Variants in MAG observed in about 807,000 individuals in gnomAD.
MAG encodes the protein myelin-associated glycoprotein.
In MAG, 30 loss-of-function variants were observed where a neutral mutation model predicts 60.7. That is an observed-to-expected ratio of 0.49 (90% CI 0.37 to 0.67). The LOEUF (loss-of-function observed/expected upper bound fraction) is 0.67, where lower values mean the gene tolerates loss of function less well. MAG is among the 30% of genes least tolerant of loss of function. MAG has a pLI of 0.00. For missense variants in MAG, 795 were observed against 851.7 expected (o/e 0.93, Z 0.83); for synonymous variants, 384 against 376.8 (o/e 1.02, Z -0.22).
intron 4 of MAG, among the ~76,000 whole-genome samples, chr19:35,297,314 CCAAA>C (rs2066406565): frequency 1.4e-5 from 2 of 145,368 alleles, no homozygotes; most frequent in East Asian, 2.1e-4. Context: ...ACACACCACA[CCAAA>C]CACACACACC....
chr19:35,308,660 G>A (rs1290595859), intron 7 of MAG, among the ~76,000 whole-genome samples: 1 of 152,136 alleles, frequency 6.6e-6, no homozygotes, highest in Non-Finnish European at 1.5e-5. Flanking sequence ...AAATCAAAAG[G>A]CTTTTTGCAA....
intron 5 of MAG, 22 bp downstream of exon 5, chr19:35,299,872 G>C (rs1278895337): frequency 4.5e-6 from 4 of 880,160 alleles, no homozygotes; most frequent in Non-Finnish European, 6.3e-6. Flanking sequence ...TGCGGGCGGG[G>C]CGGGGTGGGG....
chr19:35,292,845 C>T (rs2066367300), intron 1 of MAG, among the ~76,000 whole-genome samples: 1 of 152,064 alleles, frequency 6.6e-6, no homozygotes, highest in African/African-American at 2.4e-5. Flanking sequence ...AGAGATTCTC[C>T]CAACTTGGCC....
rs777768719 is a variant in MAG at position 35,313,353 on chromosome 19, G to A, written c.1780G>A (p.Asp594Asn). The A allele has an allele frequency of 6.2e-7, 1 of 1,614,184 alleles. No homozygotes were observed. Among genetic ancestry groups the A allele is most frequent in the Non-Finnish European group, 8.5e-7 (1 of 1,180,016 alleles). The change falls in exon 11 of 11, where the codon GAC becomes AAC. Residue 594 changes from aspartate to asparagine, a missense_variant. Asp to Asn is a conservative substitution (Grantham distance 23). Transcript: ENST00000392213. Reference protein sequence around the residue: ...LGLRGEPPELDLSYSHSDLGK... With the variant: ...LGLRGEPPELNLSYSHSDLGK... ...CCTTCGGGGTGAGCCCCCAGAGCTG[G>A]ACCTGAGCTATTCTCACTCGGACCT... is the stretch of plus-strand genomic sequence containing the variant.
At chr19:35,296,029 C>T (rs750963664) in intron 4 of MAG, 48 bp downstream of exon 4, 23 of 1,521,190 alleles carry the variant, frequency 1.5e-5, no homozygotes, top group Non-Finnish European at 2.0e-5. Flanking sequence ...GGCAGCGGGG[C>T]GGGAAGGAGT....
In MAG at chr19:35,311,888, G is replaced by A. The variant is rs771866965; in HGVS notation, c.1617-30G>A. ...CGTGGGGGTGCAGAAAGGGAGGGCA[G>A]AGAGAGGTCTGACGAGTCCTGCCCT... On this transcript the variant is annotated intron_variant, in intron 9 of 10. Coordinates refer to ENST00000392213, the MANE Select transcript of MAG (RefSeq NM_002361.4). The A allele has an allele frequency of 9.2e-6, 14 of 1,526,932 alleles. No individual in the cohort carries two copies. The East Asian group carries it at 3.2e-4, about 35-fold the overall frequency. The allele number at this position is 1,526,932 out of a possible 1,614,324, so 94.6% of individuals were successfully genotyped here. A position where few individuals can be genotyped will look rare whatever the true frequency, so the allele number is the denominator to read the frequency against.
chr19:35,302,533 C>T lies in MAG; in HGVS notation c.1056C>T (p.Asn352=). Residue 352 remains asparagine, a synonymous_variant, in exon 7 of 11, where the codon AAC becomes AAT. Coordinates refer to ENST00000392213, the MANE Select transcript of MAG (RefSeq NM_002361.4). ...TVSILCSTQS[N]PDPILTIFKE... ...CTATCTTGTGCTCCACACAGAGCAA[C>T]CCGGACCCTATTCTCACCATCTTCA... is the stretch of plus-strand genomic sequence containing the variant. The T allele has an allele frequency of 6.2e-7, 1 of 1,614,188 alleles. No homozygotes were observed. Among genetic ancestry groups the T allele is most frequent in the Non-Finnish European group, 8.5e-7 (1 of 1,180,030 alleles).
Position 35,293,639 on chromosome 19 carries a change from C to A in MAG, c.-79-596C>A, listed in dbSNP as rs763940789. ...AGGCAACCCATGGAGCAGCAGGGTGCCAGGGGCTCGCTAGCCCCCACCCTG... is the reference window on the plus strand; with the variant it reads ...AGGCAACCCATGGAGCAGCAGGGTGACAGGGGCTCGCTAGCCCCCACCCTG... On this transcript the variant is annotated intron_variant, in intron 1 of 10. Transcript: ENST00000392213. The surrounding 1 kb of genome is among the most constrained non-coding windows in gnomAD (Gnocchi z 4.0). 2.3e-4 allele frequency among the ~76,000 whole-genome samples: 35 copies of A among 152,176 alleles called. No individual in the cohort carries two copies. Among genetic ancestry groups the A allele is most frequent in the Non-Finnish European group, 4.7e-4 (32 of 67,988 alleles).
At chr19:35,311,596 A>T (rs973386202) in intron 9 of MAG, among the ~76,000 whole-genome samples, 2 of 152,230 alleles carry the variant, frequency 1.3e-5, no homozygotes, top group Non-Finnish European at 2.9e-5. Flanking sequence ...TGAGAAATAA[A>T]TTAACCCCTC....
rs750954995 is a variant in MAG, at chr19:35,295,854, C to T, written c.288C>T (p.Gly96=). 2 of 1,613,948 alleles carry T rather than the reference C, an allele frequency of 1.2e-6. No homozygotes were observed. Among genetic ancestry groups the T allele is most frequent in the Non-Finnish European group, 1.7e-6 (2 of 1,180,044 alleles). ...GCAGCCGCCTCCTGGGGGACCTGGG[C>T]CTGCGAAACTGCACCCTCCTGCTCA... The part of the protein sequence containing the change: ...QGRSRLLGDL[G]LRNCTLLLSN... Residue 96 remains glycine (G), a synonymous_variant, in exon 4 of 11, where the codon GGC becomes GGT. Coordinates refer to ENST00000392213, the MANE Select transcript of MAG (RefSeq NM_002361.4). This position sits in a 1 kb window ranked among gnomAD's most constrained non-coding sequence, Gnocchi z 5.8.
Position 35,300,258 on chromosome 19 carries a change from G to T in MAG, c.824G>T (p.Arg275Leu). Residue 275 changes from arginine (R) to leucine (L), a missense_variant, in exon 6 of 11, where the codon CGG becomes CTG. Arg to Leu is a moderately radical substitution (Grantham distance 102). Coordinates refer to ENST00000392213, the MANE Select transcript of MAG (RefSeq NM_002361.4). The stretch of plus-strand genomic sequence containing the variant: ...CCCCCGCCGCTGCTGACCTGGATGC[G>T]GGACGGGACAGTCCTCCGGGAGGCG... ...SNPPPLLTWM[R>L]DGTVLREAVA... The T allele has an allele frequency of 6.3e-7, 1 of 1,596,152 alleles. No homozygotes were observed. Among genetic ancestry groups the T allele is most frequent in the Non-Finnish European group, 8.5e-7 (1 of 1,175,648 alleles).
chr19:35,292,482 T>C (rs1202145098), intron 1 of MAG, among the ~76,000 whole-genome samples: 1 of 151,972 alleles, frequency 6.6e-6, no homozygotes, highest in Admixed American at 6.5e-5. Context: ...AGAGGTTTCC[T>C]TGGGGTTCCC....
At chr19:35,310,759 A>T (rs2066521402) in intron 9 of MAG, 116 bp downstream of exon 9, 1 of 847,158 alleles carries the variant, frequency 1.2e-6, no homozygotes, top group Non-Finnish European at 1.9e-6. Context: ...GAGAAGGCAG[A>T]TTCTGTTCTG....
chr19:35,303,868 G>T (rs2066465774), intron 7 of MAG, among the ~76,000 whole-genome samples: 1 of 151,478 alleles, frequency 6.6e-6, no homozygotes, highest in African/African-American at 2.4e-5. Context: ...CCTTCCTTAA[G>T]CAATTCCCTC....
chr19:35,310,243 C>A, intron 8 of MAG, 82 bp downstream of exon 8: 1 of 1,483,798 alleles, frequency 6.7e-7, no homozygotes, highest in Non-Finnish European at 9.1e-7. Flanking sequence ...TGACCAACAG[C>A]CACAGAGCAT....
chr19:35,296,130 C>T (rs970840104), intron 4 of MAG, 149 bp downstream of exon 4: 1 of 1,050,716 alleles, frequency 9.5e-7, no homozygotes, highest in Non-Finnish European at 1.4e-6. Context: ...AACCTCAAGG[C>T]CCACGCAGAC....
At chr19:35,298,853 CAT>C (rs908847906) in intron 4 of MAG, among the ~76,000 whole-genome samples, 1 of 150,856 alleles carries the variant, frequency 6.6e-6, no homozygotes, top group African/African-American at 2.4e-5. Flanking sequence ...ACACACCACA[CAT>C]GACACAGACC....
At position 35,293,642 on chromosome 19, in the gene MAG, G is replaced by A. The variant is rs1193755432; in HGVS notation, c.-79-593G>A. Among the ~76,000 whole-genome samples, 1 of 152,082 alleles carries A rather than the reference G, an allele frequency of 6.6e-6. No homozygotes were observed. Among genetic ancestry groups the A allele is most frequent in the African/African-American group, 2.4e-5 (1 of 41,400 alleles). ...CAACCCATGGAGCAGCAGGGTGCCA[G>A]GGGCTCGCTAGCCCCCACCCTGGGC... is the stretch of plus-strand genomic sequence containing the variant. On this transcript the variant is annotated intron_variant, in intron 1 of 10. Coordinates refer to ENST00000392213, the MANE Select transcript of MAG (RefSeq NM_002361.4). This position sits in a 1 kb window ranked among gnomAD's most constrained non-coding sequence, Gnocchi z 4.0.
intron 7 of MAG, among the ~76,000 whole-genome samples, chr19:35,305,954 G>GC (rs2066481187): frequency 2.4e-5 from 1 of 41,068 alleles, no homozygotes; most frequent in African/African-American, 1.6e-4. Context: ...GACTGTCCCA[G>GC]CCCCCCACTC....
Sources: allele counts gnomAD v4.1 joint callset (sites outside exome capture counted in the v4.1 genomes callset), GRCh38; gene constraint gnomAD v4.1.1; non-coding constraint Gnocchi (gnomAD v3.1); transcripts MANE v1.5; gene names NCBI Gene and HGNC (gene_info 2026-07-23, HGNC 2026-07-21).